The following ELAVL2 variants were observed in gnomAD, a reference collection of about 807,000 sequenced individuals.
ELAVL2 encodes ELAV-like protein 2.
A neutral mutation model predicts 34.6 loss-of-function variants in ELAVL2; 4 were observed. That is an observed-to-expected ratio of 0.12 (90% confidence interval 0.06 to 0.26). The LOEUF (loss-of-function observed/expected upper bound fraction) is 0.26, where lower values mean the gene tolerates loss of function less well. ELAVL2 is among the 10% of genes least tolerant of loss of function. The pLI, the probability that ELAVL2 is intolerant of heterozygous loss-of-function variation, is 1.00. For synonymous variants in ELAVL2, 193 were observed against 154.8 expected, an observed-to-expected ratio of 1.25 and a Z score of -1.83; for missense variants, 432 against 442.8, an observed-to-expected ratio of 0.98 and a Z score of 0.22.
At chr9:23,846,323 T>C in the ELAVL2 span, among the ~76,000 whole-genome samples, 1 of 151,874 alleles carries the variant, frequency 6.6e-6, no homozygotes, top group African/African-American at 2.4e-5. Context: ...ATTAAGTATA[T>C]CAAAGTAAAC....
chr9:23,744,299 G>A (rs531690541), intron 2 of ELAVL2, among the ~76,000 whole-genome samples: 1 of 152,082 alleles, frequency 6.6e-6, no homozygotes, highest in Non-Finnish European at 1.5e-5. Context: ...CAAAATGTTA[G>A]GTATTCAATT....
rs1438739171 is a variant in ELAVL2, at chr9:23,701,461, T to C, written c.631A>G (p.Asn211Asp). ...KFANNPSQKT[N>D]QAILSQLYQS... ...TACAGCTGGGAAAGGATGGCCTGAT[T>C]GGTTTTTTGGCTTGGGTTATTAGCA... The change falls in exon 5 of 7, where the codon AAT becomes GAT. Residue 211 changes from asparagine (N) to aspartate (D), a missense_variant. By Grantham distance (23) the Asn-to-Asp change is conservative. Coordinates refer to ENST00000397312, the MANE Select transcript of ELAVL2 (RefSeq NM_004432.5). 6.8e-6 allele frequency: 11 copies of C among 1,614,004 alleles called. No homozygotes were observed. Among genetic ancestry groups the C allele is most frequent in the African/African-American group, 1.3e-5 (1 of 74,938 alleles).
At chr9:23,787,252 T>C (rs1056587292) in intron 1 of ELAVL2, among the ~76,000 whole-genome samples, 1 of 151,872 alleles carries the variant, frequency 6.6e-6, no homozygotes, top group Non-Finnish European at 1.5e-5. Flanking sequence ...AAATGGGTCA[T>C]TTCATCCCCA....
intron 3 of ELAVL2, among the ~76,000 whole-genome samples, chr9:23,710,165 T>C (rs923318233): frequency 3.9e-5 from 6 of 152,330 alleles, no homozygotes; most frequent in African/African-American, 4.8e-5. Context: ...GTTTGAAATA[T>C]AGTGTATTAC....
At chr9:23,783,544 T>C (rs967109246) in intron 1 of ELAVL2, 15 of 972,668 alleles carry the variant, frequency 1.5e-5, no homozygotes, top group Non-Finnish European at 1.7e-5. Context: ...AATAAGGCTT[T>C]AGTCACCACT....
chr9:23,771,438 T>G (rs540048582), intron 1 of ELAVL2, among the ~76,000 whole-genome samples: 2 of 151,862 alleles, frequency 1.3e-5, no homozygotes, highest in Admixed American at 6.6e-5. Context: ...AATCTATATA[T>G]AGATATATAT....
At chr9:23,846,696 C>G in the ELAVL2 span, among the ~76,000 whole-genome samples, 184 of 152,010 alleles carry the variant, frequency 1.2e-3, 2 homozygotes, top group Non-Finnish European at 2.3e-3. Flanking sequence ...GAGAAATAAC[C>G]AGACAAACCA....
rs140492011 is a variant in ELAVL2, at chr9:23,808,516, C to T, written c.-16+17290G>A. Among the ~76,000 whole-genome samples, 313 of 152,122 alleles carry T rather than the reference C, an allele frequency of 2.1e-3. 1 individual carries two copies. Among genetic ancestry groups the T allele is most frequent in the Admixed American group, 5.5e-3 (84 of 15,258 alleles). On this transcript the variant is annotated intron_variant, in intron 1 of 6. Transcript: ENST00000397312. ...TACTGGGGGGCAGAAAAGGCTGGAT[C>T]AGCAAATCAAAAACTGAATAGAAGG...
rs2058741183 is a variant in ELAVL2, at chr9:23,779,486, C to G, written c.-15-17237G>C. ...GGTGGGCGGGCTTCCTTCTGGCTTC[C>G]TTAGACTCAGAAACTAATGCATTCT... On this transcript the variant is annotated intron_variant, in intron 1 of 6. Transcript: ENST00000397312. The G allele has an allele frequency of 8.3e-6, 7 of 843,552 alleles. No individual in the cohort carries two copies. In the South Asian group the frequency reaches 3.8e-4, roughly 46 times the overall value. 52.3% of individuals were successfully genotyped at this position (843,552 alleles called of 1,614,324 possible).
intron 5 of ELAVL2, among the ~76,000 whole-genome samples, chr9:23,696,531 T>G (rs1554655845): frequency 6.6e-6 from 1 of 152,212 alleles, no homozygotes; most frequent in Non-Finnish European, 1.5e-5. Flanking sequence ...TGCAGTGGCG[T>G]GATCTCGGCT....
intron 1 of ELAVL2, among the ~76,000 whole-genome samples, chr9:23,788,127 A>T (rs1398615101): frequency 6.6e-6 from 1 of 152,220 alleles, no homozygotes; most frequent in Non-Finnish European, 1.5e-5. Flanking sequence ...TAATGTAACC[A>T]ATGGGTATGA....
At chr9:23,718,098 T>C (rs2042770921) in intron 3 of ELAVL2, among the ~76,000 whole-genome samples, 1 of 152,122 alleles carries the variant, frequency 6.6e-6, no homozygotes, top group Non-Finnish European at 1.5e-5. Context: ...CCATATAATA[T>C]AATAAAGCCC....
At chr9:23,769,315 G>A (rs976380889) in intron 1 of ELAVL2, among the ~76,000 whole-genome samples, 6 of 152,162 alleles carry the variant, frequency 3.9e-5, no homozygotes, top group Non-Finnish European at 7.3e-5. Flanking sequence ...TAAGTCATAT[G>A]AGCTTATAGA....
chr9:23,820,422 G>A (rs1020626148), intron 1 of ELAVL2, among the ~76,000 whole-genome samples: 1 of 152,092 alleles, frequency 6.6e-6, no homozygotes, highest in African/African-American at 2.4e-5. Context: ...AAGGAGAGTG[G>A]ACAACTCGTA....
At chr9:23,780,435 C>A (rs769678410) in intron 1 of ELAVL2, among the ~76,000 whole-genome samples, 1 of 152,104 alleles carries the variant, frequency 6.6e-6, no homozygotes, top group Non-Finnish European at 1.5e-5. Flanking sequence ...GCTTTTTAAG[C>A]ATATTTTCAA....
chr9:23,716,559 G>A (rs980720137), intron 3 of ELAVL2, among the ~76,000 whole-genome samples: 2 of 152,068 alleles, frequency 1.3e-5, no homozygotes, highest in Non-Finnish European at 2.9e-5. Context: ...TGAGCACACA[G>A]AGCAGGTCTT....
At chr9:23,790,264 G>A (rs1048650544) in intron 1 of ELAVL2, among the ~76,000 whole-genome samples, 2 of 152,110 alleles carry the variant, frequency 1.3e-5, no homozygotes, top group Non-Finnish European at 2.9e-5. Context: ...GAAAAAAAGA[G>A]AGGGAATACA....
At chr9:23,704,843 C>A in intron 4 of ELAVL2, 75 bp downstream of exon 4, 2 of 1,570,838 alleles carry the variant, frequency 1.3e-6, no homozygotes, top group Non-Finnish European at 1.7e-6. Flanking sequence ...AAGACTGCTA[C>A]ATGGAAAGAC....
rs546776786 is a variant in ELAVL2 at position 23,806,620 on chromosome 9, TA to T, written c.-16+19185del. The stretch of plus-strand genomic sequence containing the variant: ...GCCACTGCAGTGAGACTAAATCTCT[TA>T]AAAAAAAAAATCAGTAATAAGACAA... On this transcript the variant is annotated intron_variant, in intron 1 of 6. Transcript: ENST00000397312. Among the ~76,000 whole-genome samples the T allele has an allele frequency of 2.1e-3, 307 of 147,830 alleles. 1 individual carries two copies. Among genetic ancestry groups the T allele is most frequent in the Middle Eastern group, 0.017 (5 of 288 alleles).
Sources: gnomAD v4.1 joint callset for allele counts (sites outside exome capture counted in the v4.1 genomes callset) on GRCh38, gnomAD v4.1.1 for gene constraint, MANE v1.5 for transcripts, NCBI Gene and HGNC (gene_info 2026-07-23, HGNC 2026-07-21) for gene names.